The following USP34 variants were observed in gnomAD, a reference collection of about 807,000 sequenced individuals.
USP34 encodes ubiquitin specific peptidase 34, also known as ubiquitin carboxyl-terminal hydrolase 34.
Under a neutral mutation model 460.3 loss-of-function variants are expected in USP34, and 70 were observed. The ratio of observed to expected loss-of-function variants is 0.15; its 90% confidence interval spans 0.13 to 0.19. The LOEUF (loss-of-function observed/expected upper bound fraction) is 0.19. USP34 is among the 10% of genes least tolerant of loss of function. The probability of loss-of-function intolerance (pLI) is 1.00; values close to 1 mark genes in which losing one functional copy is unlikely to be tolerated. For missense variants in USP34, 3,985 were observed against 4,236.2 expected (o/e 0.94, Z 1.65); for synonymous variants, 1,647 against 1,405.3 (o/e 1.17, Z -3.85).
In USP34 at chr2:61,238,993, A is replaced by T. The variant is rs541919115; in HGVS notation, c.6777+2567T>A. Among the ~76,000 whole-genome samples the T allele has an allele frequency of 5.9e-5, 9 of 151,498 alleles. 1 individual carries two copies. The highest frequency in any genetic ancestry group is 3.4e-3 in the Middle Eastern group (1 of 290). ...ATTATATATTATTATATATTATATT[A>T]TTATGGTGATCTATAACCAGTATGA... is the stretch of plus-strand genomic sequence containing the variant. On this transcript the variant is annotated intron_variant, in intron 53 of 79. Coordinates refer to ENST00000398571, the MANE Select transcript of USP34 (RefSeq NM_014709.4).
At chr2:61,256,247 C>T (rs1320472445) in intron 48 of USP34, 137 bp downstream of exon 48, 3 of 720,570 alleles carry the variant, frequency 4.2e-6, no homozygotes, top group Non-Finnish European at 7.0e-6. Flanking sequence ...TGAAAAGTTG[C>T]TCCATGAGAC....
intron 18 of USP34, among the ~76,000 whole-genome samples, chr2:61,335,840 G>C (rs1691399662): frequency 6.6e-6 from 1 of 152,108 alleles, no homozygotes; most frequent in Admixed American, 6.5e-5. Flanking sequence ...CTAGTTGTTT[G>C]ATTTATTCCA....
At chr2:61,399,770 C>A (rs529971778) in intron 3 of USP34, among the ~76,000 whole-genome samples, 1 of 148,244 alleles carries the variant, frequency 6.7e-6, no homozygotes, top group Non-Finnish European at 1.5e-5. Flanking sequence ...CTACTCGGGA[C>A]GCTGAGGCCG....
chr2:61,418,227 A>G (rs1390123076), intron 2 of USP34, among the ~76,000 whole-genome samples: 1 of 151,552 alleles, frequency 6.6e-6, no homozygotes, highest in Non-Finnish European at 1.5e-5. Flanking sequence ...TTACTGGTAC[A>G]CACCACCACG....
rs775706572 is a variant in USP34, at chr2:61,311,813, C to A, written c.3640G>T (p.Val1214Leu). ...TCAGGAAGTCCAGCTGGCTGGCATA[C>A]AACCCTTAGCGGCAGAGACTGTTTG... is the stretch of plus-strand genomic sequence containing the variant. Reference protein sequence around the residue: ...SDKQSLPLRVVCQPAGLPDKM... With the variant: ...SDKQSLPLRVLCQPAGLPDKM... Residue 1214 changes from valine (V) to leucine (L), a missense_variant, in exon 26 of 80, where the codon GTA (valine) becomes TTA (leucine). Val to Leu is a conservative substitution (Grantham distance 32). Transcript: ENST00000398571. 1 of 1,614,020 alleles carries A rather than the reference C, an allele frequency of 6.2e-7. No homozygotes were observed. The highest frequency in any genetic ancestry group is 1.7e-5 in the Admixed American group (1 of 60,000).
chr2:61,237,959 C>T lies in USP34; in HGVS notation c.6778-1570G>A, dbSNP rs144492676. On this transcript the variant is annotated intron_variant, in intron 53 of 79. Transcript: ENST00000398571. ...TTGCCCAGGCTGGAGTGCAATGGCG[C>T]GATCTCGGCTCACGGCAATCTCCAC... is the stretch of plus-strand genomic sequence containing the variant. Among the ~76,000 whole-genome samples the T allele has an allele frequency of 1.2e-3, 186 of 151,836 alleles. 1 individual carries two copies. The highest frequency in any genetic ancestry group is 2.0e-3 in the Non-Finnish European group (138 of 67,934).
At chr2:61,390,797 T>C (rs192714415) in intron 5 of USP34, among the ~76,000 whole-genome samples, 1 of 151,532 alleles carries the variant, frequency 6.6e-6, no homozygotes, top group African/African-American at 2.4e-5. Flanking sequence ...ATTCAGGTTC[T>C]GAAAAAAAAA....
intron 48 of USP34, chr2:61,249,937 C>A: frequency 6.0e-6 from 1 of 167,550 alleles, no homozygotes; most frequent in Non-Finnish European, 1.3e-5. Context: ...AACAGCCAGC[C>A]ATAGCATTGG....
chr2:61,331,782 A>T lies in USP34; in HGVS notation c.2835-411T>A, dbSNP rs530772042. On this transcript the variant is annotated intron_variant, in intron 19 of 79. Transcript: ENST00000398571. Reference sequence around the variant, plus strand: ...TAATTTGCTTATATTTTTGAACAAAATTTTTTTTAAAAAAATCAAAGAAAT... The same window carrying T: ...TAATTTGCTTATATTTTTGAACAAATTTTTTTTTAAAAAAATCAAAGAAAT... Among the ~76,000 whole-genome samples the T allele has an allele frequency of 6.1e-5, 9 of 146,542 alleles. No homozygotes were observed. In the East Asian group the frequency reaches 1.9e-3, roughly 32 times the overall value.
intron 41 of USP34, among the ~76,000 whole-genome samples, chr2:61,271,916 G>A (rs1257700174): frequency 3.3e-5 from 5 of 152,332 alleles, no homozygotes; most frequent in African/African-American, 1.2e-4. Context: ...ATATCTTGGA[G>A]TTAAGGCATA....
chr2:61,223,390 T>C lies in USP34; in HGVS notation c.7596-94A>G, dbSNP rs116075596. Reference sequence around the variant, plus strand: ...GTATCAAAAATTGTTGATTCAATTATAATTGTATTAACCTGCCATCATAAA... The same window carrying C: ...GTATCAAAAATTGTTGATTCAATTACAATTGTATTAACCTGCCATCATAAA... On this transcript the variant is annotated intron_variant, in intron 62 of 79. Coordinates refer to ENST00000398571, the MANE Select transcript of USP34 (RefSeq NM_014709.4). 648 of 1,240,636 alleles carry C rather than the reference T, an allele frequency of 5.2e-4. 4 individuals carry two copies. The African/African-American group carries it at 8.9e-3, about 17-fold the overall frequency. 76.9% of individuals were successfully genotyped at this position (1,240,636 alleles called of 1,614,324 possible). A position where few individuals can be genotyped will look rare whatever the true frequency, so the allele number is the denominator to read the frequency against.
chr2:61,311,413 T>C (rs938454256), intron 27 of USP34, 127 bp downstream of exon 27: 1 of 955,926 alleles, frequency 1.0e-6, no homozygotes, highest in South Asian at 2.0e-5. Flanking sequence ...AGACAGTTGC[T>C]ATATGATATA....
In USP34 at chr2:61,454,859, G is replaced by GT. The variant is rs36058836; in HGVS notation, c.43+15790dup. On this transcript the variant is annotated intron_variant, in intron 1 of 79. Transcript: ENST00000398571. ...CGCCACACCCAGCAAATATAGTGGG[G>GT]TTTTTTTTTTCTTTTTTTTTTTTTT... Among the ~76,000 whole-genome samples the GT allele has an allele frequency of 4.3e-4, 36 of 84,696 alleles. 2 individuals carry two copies. Among genetic ancestry groups the GT allele is most frequent in the South Asian group, 8.0e-4 (2 of 2,504 alleles). The allele number at this position is 84,696 out of a possible 152,430, so 55.6% of individuals were successfully genotyped here. A position where few individuals can be genotyped will look rare whatever the true frequency, so the allele number is the denominator to read the frequency against.
chr2:61,363,653 G>T (rs1338206423), intron 10 of USP34, among the ~76,000 whole-genome samples: 1 of 152,190 alleles, frequency 6.6e-6, no homozygotes, highest in Non-Finnish European at 1.5e-5. Context: ...GAACACTGTT[G>T]TATATGTATG....
intron 1 of USP34, among the ~76,000 whole-genome samples, chr2:61,454,944 C>T (rs1695393178): frequency 7.0e-6 from 1 of 143,380 alleles, no homozygotes; most frequent in African/African-American, 2.6e-5. Context: ...TGCAGTGGTG[C>T]CATCTTGGCT....
chr2:61,385,989 T>C (rs567968146), intron 5 of USP34, among the ~76,000 whole-genome samples: 2 of 132,972 alleles, frequency 1.5e-5, no homozygotes, highest in African/African-American at 5.8e-5. Flanking sequence ...AAAGTGAGAC[T>C]CTGTCTCCAA....
At chr2:61,350,421 G>C (rs1051074001) in intron 11 of USP34, 32 bp from the exon 12 acceptor site, 23 of 1,592,634 alleles carry the variant, frequency 1.4e-5, no homozygotes, top group Non-Finnish European at 1.8e-5. Flanking sequence ...TTCAGTTTGA[G>C]AATTCCAGGC....
rs765261968 is a variant in USP34, at chr2:61,370,538, T to C, written c.1118A>G (p.Asn373Ser). 6.2e-7 allele frequency: 1 copy of C among 1,613,974 alleles called. No homozygotes were observed. The highest frequency in any genetic ancestry group is 1.1e-5 in the South Asian group (1 of 91,038). Reference protein sequence around the residue: ...KELADWLISNNVVEHIFGPNL... With the variant: ...KELADWLISNSVVEHIFGPNL... The stretch of plus-strand genomic sequence containing the variant: ...TGGTCCAAATATATGCTCCACCACA[T>C]TGTTGCTAATAAGCCAGTCTGCAAG... Residue 373 changes from asparagine to serine, a missense_variant, in exon 9 of 80, where the codon AAT (asparagine) becomes AGT (serine). Physicochemically the swap from Asn to Ser is conservative, Grantham distance 46. Coordinates refer to ENST00000398571, the MANE Select transcript of USP34 (RefSeq NM_014709.4).
chr2:61,359,779 GTTTTTTTTT>G (rs35258583), intron 10 of USP34, among the ~76,000 whole-genome samples: 1 of 86,854 alleles, frequency 1.2e-5, no homozygotes, highest in Admixed American at 1.5e-4. Flanking sequence ...GCCCACAGTT[GTTTTTTTTT>G]TTTTTTTTTT....
Sources: gnomAD v4.1 joint callset for allele counts (sites outside exome capture counted in the v4.1 genomes callset) on GRCh38, gnomAD v4.1.1 for gene constraint, MANE v1.5 for transcripts, NCBI Gene and HGNC (gene_info 2026-07-23, HGNC 2026-07-21) for gene names.